The following SH3BP4 variants were observed in gnomAD, a reference collection of about 807,000 sequenced individuals.
The protein encoded by SH3BP4 is SH3 domain binding protein 4.
Under a neutral mutation model 65.5 loss-of-function variants are expected in SH3BP4, and 33 were observed. That is an observed-to-expected ratio of 0.50 (90% CI 0.38 to 0.67). SH3BP4 has a LOEUF of 0.67. Among genes scored for constraint, SH3BP4 ranks in the 30% least tolerant of loss-of-function variants. The probability of loss-of-function intolerance (pLI) is 0.00; values close to 1 mark genes in which losing one functional copy is unlikely to be tolerated. For missense variants in SH3BP4, 1,134 were observed against 1,261.4 expected (o/e 0.90, Z 1.53); for synonymous variants, 552 against 545.5 (o/e 1.01, Z -0.17).
intron 2 of SH3BP4, among the ~76,000 whole-genome samples, chr2:235,017,746 G>T (rs185719055): frequency 6.6e-6 from 1 of 152,162 alleles, no homozygotes; most frequent in East Asian, 1.9e-4. Flanking sequence ...TTTCATATGG[G>T]TGTAGTGTTA....
chr2:235,008,247 C>T (rs886345983), intron 2 of SH3BP4, among the ~76,000 whole-genome samples: 3 of 152,154 alleles, frequency 2.0e-5, no homozygotes, highest in African/African-American at 7.2e-5. Context: ...GACCTCCCAG[C>T]TCAGCCAGCC....
chr2:234,989,480 C>T (rs906383163), intron 1 of SH3BP4, among the ~76,000 whole-genome samples: 8 of 152,226 alleles, frequency 5.3e-5, no homozygotes, highest in African/African-American at 1.7e-4. Flanking sequence ...TGCCCACTTC[C>T]GTTTGGCCTG....
chr2:234,994,861 G>A (rs1368787288), intron 1 of SH3BP4: 1 of 152,348 alleles, frequency 6.6e-6, no homozygotes, highest in African/African-American at 2.4e-5. Context: ...AGGGGAAGAG[G>A]ACAGTGAGGC....
Position 234,974,357 on chromosome 2 carries a change from C to CT in SH3BP4, c.-206-20945dup, listed in dbSNP as rs1016131524. ...TCCAGCCTGGGCAAAGAGCGAAACTCTGTCTAAAAAAAAATAAATAAATAA... is the reference window on the plus strand; with the variant it reads ...TCCAGCCTGGGCAAAGAGCGAAACTCTTGTCTAAAAAAAAATAAATAAATAA... On this transcript the variant is annotated intron_variant, in intron 1 of 5. Transcript: ENST00000392011. The surrounding 1 kb of genome is among the most constrained non-coding windows in gnomAD (Gnocchi z 4.6). Among the ~76,000 whole-genome samples the CT allele has an allele frequency of 1.3e-5, 2 of 150,998 alleles. No individual in the cohort carries two copies. The highest frequency in any genetic ancestry group is 1.3e-4 in the Admixed American group (2 of 15,220).
intron 1 of SH3BP4, among the ~76,000 whole-genome samples, chr2:234,970,371 T>G (rs554310016): frequency 6.6e-6 from 1 of 152,310 alleles, no homozygotes; most frequent in East Asian, 1.9e-4. Flanking sequence ...CCCCTAGAGA[T>G]TCCATTGGCC....
At chr2:234,989,348 C>T (rs963619539) in intron 1 of SH3BP4, among the ~76,000 whole-genome samples, 2 of 152,184 alleles carry the variant, frequency 1.3e-5, no homozygotes, top group African/African-American at 2.4e-5. Context: ...ATGTTGGGCC[C>T]GTTCCCGTCT....
Position 235,040,932 on chromosome 2 carries a change from G to A in SH3BP4, c.163G>A (p.Gly55Arg), listed in dbSNP as rs748959328. The A allele has an allele frequency of 8.1e-6, 13 of 1,613,870 alleles. No homozygotes were observed. The highest frequency in any genetic ancestry group is 4.0e-5 in the African/African-American group (3 of 74,884). ...GCTCGTAGACAACCCCACACCTTTC[G>A]GAAATGCAAAGGAAGTGATTGCGAT... ...ALLVDNPTPF[G>R]NAKEVIAIKD... The change falls in exon 4 of 6, where the codon GGA becomes AGA. Residue 55 changes from glycine (G) to arginine (R), a missense_variant. By Grantham distance (125) the Gly-to-Arg change is moderately radical (BLOSUM62 -2). Coordinates refer to ENST00000392011, the MANE Select transcript of SH3BP4 (RefSeq NM_014521.3).
At chr2:234,981,273 C>T (rs1170630781) in intron 1 of SH3BP4, among the ~76,000 whole-genome samples, 1 of 152,186 alleles carries the variant, frequency 6.6e-6, no homozygotes, top group Non-Finnish European at 1.5e-5. Context: ...CTGTTTATCG[C>T]TCTTGCTTGA....
chr2:235,036,565 C>T (rs919287161), intron 3 of SH3BP4, among the ~76,000 whole-genome samples: 17 of 151,796 alleles, frequency 1.1e-4, no homozygotes, highest in Non-Finnish European at 2.1e-4. Flanking sequence ...ACCAGCCTGG[C>T]CAACATGGTG....
intron 1 of SH3BP4, among the ~76,000 whole-genome samples, chr2:234,993,186 G>C (rs1693806375): frequency 6.6e-6 from 1 of 152,190 alleles, no homozygotes; most frequent in South Asian, 2.1e-4. Flanking sequence ...CCGGGGGTCG[G>C]TTTCTCGAAG....
At position 235,038,184 on chromosome 2, in the gene SH3BP4, A is replaced by G. The variant is rs1300075255; in HGVS notation, c.119-2704A>G. Among the ~76,000 whole-genome samples, 8 of 135,100 alleles carry G rather than the reference A, an allele frequency of 5.9e-5. No individual in the cohort carries two copies. In the East Asian group the frequency reaches 1.4e-3, roughly 24 times the overall value. The allele number at this position is 135,100 out of a possible 152,430, so 88.6% of individuals were successfully genotyped here. On this transcript the variant is annotated intron_variant, in intron 3 of 5. Coordinates refer to ENST00000392011, the MANE Select transcript of SH3BP4 (RefSeq NM_014521.3). ...CACACATACACACACACATACACAT[A>G]TTTCATATATATATACACATATATA...
intron 2 of SH3BP4, among the ~76,000 whole-genome samples, chr2:234,999,765 A>G (rs916144234): frequency 6.6e-6 from 1 of 152,222 alleles, no homozygotes; most frequent in Non-Finnish European, 1.5e-5. Flanking sequence ...AATGATCCAG[A>G]AAGAGAGCAC....
At chr2:234,968,511 A>G (rs1237552297) in intron 1 of SH3BP4, among the ~76,000 whole-genome samples, 2 of 151,728 alleles carry the variant, frequency 1.3e-5, no homozygotes, top group African/African-American at 2.4e-5. Flanking sequence ...TTGGCTGAGA[A>G]TGCCTTCAGT....
intron 2 of SH3BP4, among the ~76,000 whole-genome samples, chr2:235,011,215 CCT>C (rs1275725276): frequency 6.6e-6 from 1 of 150,916 alleles, no homozygotes; most frequent in African/African-American, 2.4e-5. Flanking sequence ...TAGAACCCTT[CCT>C]CTCTCTCCTA....
intron 1 of SH3BP4, among the ~76,000 whole-genome samples, chr2:234,984,217 G>GTTTGTTTGTTTA (rs1382197763): frequency 2.0e-5 from 3 of 152,106 alleles, no homozygotes; most frequent in African/African-American, 7.2e-5. Flanking sequence ...TTGTTTGTTT[G>GTTTGTTTGTTTA]GTGCGGGGCA....
intron 3 of SH3BP4, among the ~76,000 whole-genome samples, chr2:235,040,241 A>G (rs2106332090): frequency 6.6e-6 from 1 of 152,138 alleles, no homozygotes; most frequent in East Asian, 1.9e-4. Context: ...TCTCATAAAT[A>G]AATAAATAAA....
rs1041568794 is a variant in SH3BP4, at chr2:234,952,062, C to T, written c.-315C>T. The T allele has an allele frequency of 1.4e-4, 21 of 147,816 alleles. No homozygotes were observed. The highest frequency in any genetic ancestry group is 4.9e-4 in the African/African-American group (20 of 40,986). 9.2% of individuals were successfully genotyped at this position (147,816 alleles called of 1,614,324 possible). The stretch of plus-strand genomic sequence containing the variant: ...CGGTCCGGGCCCCTCGCCACTACCG[C>T]CGCCGCCGCCGCCGTGAGTCCCGCG... On this transcript the variant is annotated 5_prime_UTR_variant, in exon 1 of 6. Coordinates refer to ENST00000392011, the MANE Select transcript of SH3BP4 (RefSeq NM_014521.3). This position sits in a 1 kb window ranked among gnomAD's most constrained non-coding sequence, Gnocchi z 6.5.
At chr2:235,009,420 G>A (rs986039378) in intron 2 of SH3BP4, among the ~76,000 whole-genome samples, 2 of 152,222 alleles carry the variant, frequency 1.3e-5, no homozygotes, top group Non-Finnish European at 2.9e-5. Flanking sequence ...GAGTTTGGGA[G>A]AGGGGCCGTG....
intron 2 of SH3BP4, among the ~76,000 whole-genome samples, chr2:235,000,393 G>A (rs1050889278): frequency 3.3e-5 from 5 of 152,172 alleles, no homozygotes; most frequent in Admixed American, 2.0e-4. Context: ...CATTCATGCC[G>A]TTCTCCCATG....
Sources: gnomAD v4.1 joint callset for allele counts (sites outside exome capture counted in the v4.1 genomes callset) on GRCh38, gnomAD v4.1.1 for gene constraint, Gnocchi (gnomAD v3.1) non-coding constraint, MANE v1.5 for transcripts, NCBI Gene and HGNC (gene_info 2026-07-23, HGNC 2026-07-21) for gene names.